GSTO1: variants seen among roughly 807,000 people sequenced by gnomAD.
GSTO1 encodes the protein glutathione S-transferase omega 1, also known as glutathione S-transferase omega-1.
In GSTO1, 27 loss-of-function variants were observed where a neutral mutation model predicts 23.8. The ratio of observed to expected loss-of-function variants is 1.13; its 90% CI spans 0.83 to 1.56. GSTO1 has a LOEUF of 1.56. GSTO1 is among the 40% of genes most tolerant of loss of function. The pLI, the probability that GSTO1 is intolerant of heterozygous loss-of-function variation, is 0.00. For synonymous variants in GSTO1, 105 were observed against 109.3 expected, an observed-to-expected ratio of 0.96 and a Z score of 0.25; for missense variants, 255 against 285.8, an observed-to-expected ratio of 0.89 and a Z score of 0.78.
chr10:104,257,663 C>T (rs1589843968), intron 2 of GSTO1, among the ~76,000 whole-genome samples: 1 of 152,050 alleles, frequency 6.6e-6, no homozygotes, highest in East Asian at 1.9e-4. Context: ...TTTAAGGATT[C>T]CTTAATATCT....
chr10:104,255,930 T>A lies in GSTO1; in HGVS notation c.143+659T>A, dbSNP rs574225510. 5.3e-5 allele frequency among the ~76,000 whole-genome samples: 8 copies of A among 152,340 alleles called. No individual in the cohort carries two copies. In the East Asian group the frequency reaches 1.5e-3, roughly 29 times the overall value. ...ACTTTTCTCTGACACCAAGTATCCA[T>A]TGGAACCACTTCCCTTCCCATGACC... is the stretch of plus-strand genomic sequence containing the variant. On this transcript the variant is annotated intron_variant, in intron 2 of 5. Coordinates refer to ENST00000369713, the MANE Select transcript of GSTO1 (RefSeq NM_004832.3).
intron 4 of GSTO1, among the ~76,000 whole-genome samples, chr10:104,265,149 A>G (rs1417861442): frequency 6.6e-6 from 1 of 152,270 alleles, no homozygotes; most frequent in African/African-American, 2.4e-5. Context: ...AATGCAGAGA[A>G]GTACCCAAAG....
At chr10:104,264,196 C>T (rs898131271) in intron 4 of GSTO1, among the ~76,000 whole-genome samples, 1 of 152,006 alleles carries the variant, frequency 6.6e-6, no homozygotes, top group Non-Finnish European at 1.5e-5. Flanking sequence ...AACATTTGAG[C>T]CTGGTGTCTT....
chr10:104,256,638 T>C (rs2091604187), intron 2 of GSTO1, among the ~76,000 whole-genome samples: 1 of 152,346 alleles, frequency 6.6e-6, no homozygotes, highest in Non-Finnish European at 1.5e-5. Flanking sequence ...GGGAAAGTAC[T>C]AGATTTTAAC....
rs141116403 is a variant in GSTO1 at position 104,260,114 on chromosome 10, C to T, written c.366+316C>T. Among the ~76,000 whole-genome samples, 3 of 152,332 alleles carry T rather than the reference C, an allele frequency of 2.0e-5. No homozygotes were observed. In the East Asian group the frequency reaches 5.8e-4, roughly 29 times the overall value. ...TTCTCACTGTGCCTGGTTATCTCCA[C>T]GTCATTTTTCACATGTCTGCTCCGA... On this transcript the variant is annotated intron_variant, in intron 3 of 5. Transcript: ENST00000369713.
chr10:104,267,182 A>T, intron 5 of GSTO1, 70 bp from the exon 6 acceptor site: 2 of 935,890 alleles, frequency 2.1e-6, no homozygotes, highest in Admixed American at 4.8e-5. Context: ...TAATAATTAC[A>T]TATGGGAGAC....
chr10:104,258,289 C>T (rs1455530044), intron 2 of GSTO1, among the ~76,000 whole-genome samples: 3 of 152,122 alleles, frequency 2.0e-5, no homozygotes, highest in Non-Finnish European at 2.9e-5. Context: ...AAACCGCCAA[C>T]GTGTAAAAGA....
At chr10:104,256,607 G>C (rs2091604012) in intron 2 of GSTO1, among the ~76,000 whole-genome samples, 2 of 152,172 alleles carry the variant, frequency 1.3e-5, no homozygotes. Flanking sequence ...TTTTAAGCTT[G>C]AGCCCGAGGA....
intron 2 of GSTO1, among the ~76,000 whole-genome samples, chr10:104,255,988 T>C (rs2091601362): frequency 6.6e-6 from 1 of 152,234 alleles, no homozygotes; most frequent in African/African-American, 2.4e-5. Flanking sequence ...ATTTATTAGA[T>C]ACCTTTGGTG....
intron 3 of GSTO1, among the ~76,000 whole-genome samples, chr10:104,261,396 C>T (rs2011138724): frequency 6.6e-6 from 1 of 152,050 alleles, no homozygotes; most frequent in Non-Finnish European, 1.5e-5. Context: ...TGGCCACAGC[C>T]CATCAGAACA....
At chr10:104,257,493 A>G (rs1564836040) in intron 2 of GSTO1, among the ~76,000 whole-genome samples, 2 of 151,886 alleles carry the variant, frequency 1.3e-5, no homozygotes, top group East Asian at 3.9e-4. Context: ...GGTGAGTACC[A>G]CCACACTTGG....
At position 104,254,932 on chromosome 10, in the gene GSTO1, T is replaced by C; in HGVS notation, c.4T>C (p.Ser2Pro). 1.2e-6 allele frequency: 2 copies of C among 1,611,390 alleles called. No individual in the cohort carries two copies. The highest frequency in any genetic ancestry group is 1.7e-6 in the Non-Finnish European group (2 of 1,179,258). ...GCTCGGCCTGCGCTGCGCCACGATG[T>C]CCGGGGAGTCAGCCAGGAGCTTGGG... Reference protein sequence around the residue: MSGESARSLGKG... With the variant: MPGESARSLGKG... Residue 2 changes from serine to proline, a missense_variant, in exon 1 of 6, where the codon TCC (serine) becomes CCC (proline). Physicochemically the swap from Ser to Pro is moderately conservative, Grantham distance 74. Transcript: ENST00000369713.
chr10:104,261,663 G>A (rs928376028), intron 3 of GSTO1, among the ~76,000 whole-genome samples: 3 of 152,166 alleles, frequency 2.0e-5, no homozygotes, highest in East Asian at 1.9e-4. Flanking sequence ...AAAAACAGAC[G>A]AAAGACCAGG....
chr10:104,259,646 G>A lies in GSTO1; in HGVS notation c.214G>A (p.Val72Met). The A allele has an allele frequency of 1.2e-6, 2 of 1,613,606 alleles. No homozygotes were observed. The highest frequency in any genetic ancestry group is 1.7e-6 in the Non-Finnish European group (2 of 1,179,608). Residue 72 changes from valine to methionine, a missense_variant, in exon 3 of 6, where the codon GTG (valine) becomes ATG (methionine). Coordinates refer to ENST00000369713, the MANE Select transcript of GSTO1 (RefSeq NM_004832.3). ...WFFKKNPFGLVPVLENSQGQL... is the reference protein window; with the variant it reads ...WFFKKNPFGLMPVLENSQGQL... The stretch of plus-strand genomic sequence containing the variant: ...CTTTAAGAAAAATCCCTTTGGTCTG[G>A]TGCCAGTTCTGGAAAACAGTCAGGG...
intron 2 of GSTO1, among the ~76,000 whole-genome samples, chr10:104,255,805 G>T (rs1211808783): frequency 2.0e-5 from 3 of 152,166 alleles, no homozygotes; most frequent in Non-Finnish European, 4.4e-5. Context: ...TCAAATAGAG[G>T]GAAGTGTCTG....
At chr10:104,256,212 G>A (rs761038880) in intron 2 of GSTO1, among the ~76,000 whole-genome samples, 2 of 152,192 alleles carry the variant, frequency 1.3e-5, no homozygotes, top group Non-Finnish European at 2.9e-5. Flanking sequence ...TCATTTGGAT[G>A]AGATTATGAT....
At chr10:104,265,956 A>T in intron 4 of GSTO1, 128 bp from the exon 5 acceptor site, 1 of 529,570 alleles carries the variant, frequency 1.9e-6, no homozygotes, top group South Asian at 2.7e-5. Context: ...ATCAGAAAAA[A>T]ACCCAACTTG....
Position 104,263,026 on chromosome 10 carries a change from CTA to C in GSTO1, c.416_417del (p.Tyr139CysfsTer9). ...TTATTAGAAGCCAAAATAAAGAAGA[CTA>C]TGCTGGCCTAAAAGAAGAATTTCGT... ...SFIRSQNKED[Y>X]AGLKEEFRKE... On this transcript the variant is annotated frameshift_variant, in exon 4 of 6. Coordinates refer to ENST00000369713, the MANE Select transcript of GSTO1 (RefSeq NM_004832.3). LOFTEE classifies it high-confidence loss of function. 1.9e-6 allele frequency: 3 copies of C among 1,550,904 alleles called. No homozygotes were observed. Among genetic ancestry groups the C allele is most frequent in the Non-Finnish European group, 2.7e-6 (3 of 1,124,060 alleles).
intron 1 of GSTO1, 68 bp from the exon 2 acceptor site, chr10:104,255,095 G>T: frequency 6.9e-7 from 1 of 1,445,142 alleles, no homozygotes; most frequent in African/African-American, 1.4e-5. Flanking sequence ...GTGGGACGCG[G>T]GGGCGGTGGG....
Sources: gnomAD v4.1 joint callset for allele counts (sites outside exome capture counted in the v4.1 genomes callset) on GRCh38, gnomAD v4.1.1 for gene constraint, MANE v1.5 for transcripts, NCBI Gene and HGNC (gene_info 2026-07-23, HGNC 2026-07-21) for gene names.